Variants in DSCAM observed in about 807,000 individuals in gnomAD.
DSCAM encodes DS cell adhesion molecule, also known as cell adhesion molecule DSCAM.
DSCAM carries 47 observed loss-of-function variants against 217.7 expected under a neutral mutation model. The ratio of observed to expected loss-of-function variants is 0.22; its 90% CI spans 0.17 to 0.28. The LOEUF (loss-of-function observed/expected upper bound fraction) is 0.28, where lower values mean the gene tolerates loss of function less well. Ranked by LOEUF, DSCAM falls within the 10% of genes least tolerant of loss-of-function variation. DSCAM has a pLI of 1.00. For synonymous variants in DSCAM, 1,056 were observed against 1,015.3 expected, an observed-to-expected ratio of 1.04 and a Z score of -0.76; for missense variants, 2,080 against 2,618.3, an observed-to-expected ratio of 0.79 and a Z score of 4.49.
At chr21:40,536,558 C>G (rs1017114241) in intron 3 of DSCAM, among the ~76,000 whole-genome samples, 1 of 152,060 alleles carries the variant, frequency 6.6e-6, no homozygotes, top group African/African-American at 2.4e-5. Flanking sequence ...CCCACCACCA[C>G]GCCTGGCTAA....
chr21:40,739,230 A>C (rs568988737), intron 1 of DSCAM, among the ~76,000 whole-genome samples: 1 of 133,252 alleles, frequency 7.5e-6, no homozygotes, highest in Admixed American at 8.1e-5. Context: ...TGGCAGGAGC[A>C]CTGTCTGCAG....
intron 9 of DSCAM, among the ~76,000 whole-genome samples, chr21:40,310,001 A>T (rs543435584): frequency 6.6e-6 from 1 of 152,298 alleles, no homozygotes; most frequent in African/African-American, 2.4e-5. Flanking sequence ...GCACGTTCTA[A>T]TTACTCAGGG....
chr21:40,606,513 C>T (rs1227925222), intron 3 of DSCAM, among the ~76,000 whole-genome samples: 1 of 152,228 alleles, frequency 6.6e-6, no homozygotes, highest in Non-Finnish European at 1.5e-5. Flanking sequence ...AATCCTCTAG[C>T]TGGCTAACAT....
intron 32 of DSCAM, among the ~76,000 whole-genome samples, chr21:40,022,589 C>T (rs1301183895): frequency 1.3e-5 from 2 of 152,130 alleles, no homozygotes; most frequent in East Asian, 1.9e-4. Flanking sequence ...GAAGGCAAAA[C>T]CCCCAGGTCT....
intron 11 of DSCAM, among the ~76,000 whole-genome samples, chr21:40,256,438 GAC>G (rs201126514): frequency 3.5e-5 from 5 of 143,852 alleles, no homozygotes; most frequent in Non-Finnish European, 7.4e-5. Context: ...GAGAGAGAGA[GAC>G]ACACACAGAC....
chr21:40,481,419 G>C (rs981438814), intron 3 of DSCAM, among the ~76,000 whole-genome samples: 6 of 151,094 alleles, frequency 4.0e-5, no homozygotes, highest in East Asian at 2.0e-4. Flanking sequence ...GAACCCGGGA[G>C]GCAAAGCTTG....
chr21:40,156,305 G>GAGAGAGAT (rs2090477407), intron 16 of DSCAM, among the ~76,000 whole-genome samples: 1 of 129,762 alleles, frequency 7.7e-6, no homozygotes, highest in African/African-American at 3.5e-5. Flanking sequence ...GAGAGAGAGA[G>GAGAGAGAT]AGAGAGAGAG....
chr21:40,182,175 G>C (rs1375617218), intron 14 of DSCAM, among the ~76,000 whole-genome samples: 1 of 152,188 alleles, frequency 6.6e-6, no homozygotes, highest in East Asian at 1.9e-4. Flanking sequence ...AAGTTCTGGA[G>C]GTGAATTACA....
At chr21:40,455,153 A>T (rs2075752957) in intron 3 of DSCAM, among the ~76,000 whole-genome samples, 1 of 152,196 alleles carries the variant, frequency 6.6e-6, no homozygotes, top group African/African-American at 2.4e-5. Flanking sequence ...CATGGGATTG[A>T]TATCAATGTA....
intron 2 of DSCAM, among the ~76,000 whole-genome samples, chr21:40,696,099 T>C (rs1199474535): frequency 1.3e-5 from 2 of 152,038 alleles, no homozygotes. Flanking sequence ...AAAAATACAC[T>C]TTGTTTTAAA....
intron 1 of DSCAM, among the ~76,000 whole-genome samples, chr21:40,786,594 G>A (rs1031403901): frequency 1.3e-5 from 2 of 152,164 alleles, no homozygotes; most frequent in Admixed American, 6.5e-5. Context: ...AAAAGGTGCT[G>A]CAGGGGACAT....
At position 40,124,304 on chromosome 21, in the gene DSCAM, T is replaced by G; in HGVS notation, c.3587A>C (p.Lys1196Thr). The G allele has an allele frequency of 1.2e-6, 2 of 1,613,928 alleles. No individual in the cohort carries two copies. Among genetic ancestry groups the G allele is most frequent in the Non-Finnish European group, 1.7e-6 (2 of 1,180,014 alleles). The change falls in exon 20 of 33, where the codon AAG (lysine) becomes ACG (threonine). Residue 1196 changes from lysine to threonine, a missense_variant. Transcript: ENST00000400454. ...CATGGAGGCTGAGGCCGCCGCTGCC[T>G]TCACACCCGCGGGAGGACCTGGAAC... ...EDVPGPPAGV[K>T]AAAASASMVF...
chr21:40,253,786 C>T (rs1294208894), intron 11 of DSCAM, among the ~76,000 whole-genome samples: 2 of 152,274 alleles, frequency 1.3e-5, no homozygotes, highest in Admixed American at 6.5e-5. Flanking sequence ...AGCTCCTGTG[C>T]TCAGGACCCT....
rs531042620 is a variant in DSCAM at position 40,016,913 on chromosome 21, C to T, written c.5687-3527G>A. Among the ~76,000 whole-genome samples the T allele has an allele frequency of 4.8e-4, 73 of 152,144 alleles. No homozygotes were observed. Among genetic ancestry groups the T allele is most frequent in the African/African-American group, 1.4e-3 (60 of 41,524 alleles). Reference sequence around the variant, plus strand: ...AATGGATCACCTGAGGTCAGGTGTTCGAGACCAGCCAGGCCAAAATGGGGA... The same window carrying T: ...AATGGATCACCTGAGGTCAGGTGTTTGAGACCAGCCAGGCCAAAATGGGGA... On this transcript the variant is annotated intron_variant, in intron 32 of 32. Transcript: ENST00000400454. This position sits in a 1 kb window ranked among gnomAD's most constrained non-coding sequence, Gnocchi z 4.3.
chr21:40,142,796 T>A, intron 17 of DSCAM, 92 bp from the exon 18 acceptor site: 2 of 1,446,148 alleles, frequency 1.4e-6, no homozygotes, highest in South Asian at 1.4e-5. Flanking sequence ...TATTTCAATA[T>A]GCAAGCAAAA....
chr21:40,413,373 T>G (rs1488711032), intron 3 of DSCAM, among the ~76,000 whole-genome samples: 1 of 152,194 alleles, frequency 6.6e-6, no homozygotes, highest in East Asian at 1.9e-4. Flanking sequence ...GGCTATACCC[T>G]GCAAAGCCAC....
intron 11 of DSCAM, among the ~76,000 whole-genome samples, chr21:40,230,937 C>T (rs11910528): frequency 1.3e-5 from 2 of 151,972 alleles, no homozygotes; most frequent in East Asian, 1.9e-4. Context: ...CAACCCCCAC[C>T]CGGCATCCCT....
intron 3 of DSCAM, among the ~76,000 whole-genome samples, chr21:40,369,528 CT>C (rs893938715): frequency 1.3e-5 from 2 of 151,668 alleles, no homozygotes; most frequent in African/African-American, 4.8e-5. Context: ...ACCTCATAAA[CT>C]TTTTTTTAGA....
intron 1 of DSCAM, among the ~76,000 whole-genome samples, chr21:40,734,129 T>C (rs1203118581): frequency 6.6e-6 from 1 of 152,122 alleles, no homozygotes; most frequent in Non-Finnish European, 1.5e-5. Flanking sequence ...AGATGTGCAT[T>C]AGATGCGATG....
Sources: allele counts gnomAD v4.1 joint callset (sites outside exome capture counted in the v4.1 genomes callset), GRCh38; gene constraint gnomAD v4.1.1; non-coding constraint Gnocchi (gnomAD v3.1); transcripts MANE v1.5; gene names NCBI Gene and HGNC (gene_info 2026-07-23, HGNC 2026-07-21).